Variants in TLK1 observed in about 807,000 individuals in gnomAD.
TLK1 encodes serine/threonine-protein kinase tousled-like 1.
In TLK1, 24 loss-of-function variants were observed where a neutral mutation model predicts 105.3. That is an observed-to-expected ratio of 0.23 (90% CI 0.17 to 0.32). The LOEUF (loss-of-function observed/expected upper bound fraction) is 0.32, where lower values mean the gene tolerates loss of function less well. Among genes scored for constraint, TLK1 ranks in the 10% least tolerant of loss-of-function variants. The pLI is 1.00. For synonymous variants in TLK1, 321 were observed against 310.4 expected (o/e 1.03, Z -0.36); for missense variants, 558 against 910.5 (o/e 0.61, Z 4.98).
intron 18 of TLK1, among the ~76,000 whole-genome samples, chr2:171,000,218 A>G (rs1302720971): frequency 6.6e-6 from 1 of 151,974 alleles, no homozygotes; most frequent in Admixed American, 6.6e-5. Flanking sequence ...TCTACTAAAA[A>G]TACAAAAAAA....
At chr2:171,015,955 G>A (rs1015798505) in intron 12 of TLK1, among the ~76,000 whole-genome samples, 5 of 151,942 alleles carry the variant, frequency 3.3e-5, no homozygotes, top group Non-Finnish European at 7.4e-5. Flanking sequence ...GCGCATGCCT[G>A]TAATCCCAGC....
intron 1 of TLK1, among the ~76,000 whole-genome samples, chr2:171,124,856 A>G (rs1342551393): frequency 1.3e-5 from 2 of 152,214 alleles, no homozygotes; most frequent in Non-Finnish European, 2.9e-5. Context: ...CTTTTCTGCC[A>G]CTTCAAACTT....
rs116129015 is a variant in TLK1 at position 171,050,783 on chromosome 2, A to G, written c.733-609T>C. Among the ~76,000 whole-genome samples the G allele has an allele frequency of 2.2e-3, 339 of 152,322 alleles. 2 individuals carry two copies. The highest frequency in any genetic ancestry group is 7.9e-3 in the African/African-American group (329 of 41,582). ...GGCTTCCTTCTAACATCAAAAGATGAGTCTGATTAGTACAGTGGCAAGAGA... is the reference window on the plus strand; with the variant it reads ...GGCTTCCTTCTAACATCAAAAGATGGGTCTGATTAGTACAGTGGCAAGAGA... On this transcript the variant is annotated intron_variant, in intron 8 of 20. Coordinates refer to ENST00000431350, the MANE Select transcript of TLK1 (RefSeq NM_012290.5).
At chr2:171,113,069 G>T (rs1244998881) in intron 2 of TLK1, among the ~76,000 whole-genome samples, 1 of 151,888 alleles carries the variant, frequency 6.6e-6, no homozygotes, top group Non-Finnish European at 1.5e-5. Flanking sequence ...TTTTATGAAG[G>T]ACTAAAGATC....
intron 1 of TLK1, among the ~76,000 whole-genome samples, chr2:171,182,934 A>AG: frequency 5.3e-5 from 8 of 149,772 alleles, no homozygotes; most frequent in East Asian, 4.1e-4. Context: ...AAAAAAAAAA[A>AG]AAAAGAAAGA....
chr2:171,075,734 C>G (rs746741475), intron 3 of TLK1, among the ~76,000 whole-genome samples: 7 of 151,966 alleles, frequency 4.6e-5, no homozygotes, highest in Non-Finnish European at 1.0e-4. Flanking sequence ...GCATCCAAAA[C>G]GAGAAGAGGA....
At chr2:171,129,381 T>A (rs1162364415) in intron 1 of TLK1, among the ~76,000 whole-genome samples, 1 of 152,142 alleles carries the variant, frequency 6.6e-6, no homozygotes, top group Non-Finnish European at 1.5e-5. Context: ...TCTATCCCAA[T>A]AATACAGGGT....
At chr2:171,124,367 A>G (rs889962936) in intron 1 of TLK1, among the ~76,000 whole-genome samples, 7 of 152,242 alleles carry the variant, frequency 4.6e-5, no homozygotes, top group South Asian at 2.1e-4. Flanking sequence ...ACAAAAAGCT[A>G]ATTTCCAAAG....
chr2:171,180,521 T>G (rs1381486923), intron 1 of TLK1, among the ~76,000 whole-genome samples: 6 of 152,222 alleles, frequency 3.9e-5, no homozygotes, highest in Admixed American at 3.9e-4. Context: ...CCTTTTACAC[T>G]GATGACTATT....
intron 2 of TLK1, among the ~76,000 whole-genome samples, chr2:171,115,917 T>C (rs1248652763): frequency 6.6e-6 from 1 of 152,248 alleles, no homozygotes; most frequent in African/African-American, 2.4e-5. Flanking sequence ...ATTTACCTGA[T>C]ACAAAGAGAT....
rs1006210270 is a variant in TLK1, at chr2:170,992,064, T to C, written c.*1716A>G. 1 of 152,190 alleles carries C rather than the reference T, an allele frequency of 6.6e-6. No homozygotes were observed. The highest frequency in any genetic ancestry group is 2.4e-5 in the African/African-American group (1 of 41,454). 9.4% of individuals were successfully genotyped at this position (152,190 alleles called of 1,614,324 possible). On this transcript the variant is annotated 3_prime_UTR_variant, in exon 21 of 21. Transcript: ENST00000431350. ...GAAACAATTTACACTTGTCTTGAAG[T>C]ATACTTAAGGAATTTATTCAGCTGA...
At chr2:171,047,796 T>C (rs992140463) in intron 10 of TLK1, among the ~76,000 whole-genome samples, 4 of 152,214 alleles carry the variant, frequency 2.6e-5, no homozygotes, top group South Asian at 2.1e-4. Flanking sequence ...CTATACAGTT[T>C]AGAGATTAAT....
At chr2:171,230,286 C>T (rs978947023) in intron 1 of TLK1, among the ~76,000 whole-genome samples, 14 of 152,314 alleles carry the variant, frequency 9.2e-5, no homozygotes, top group Non-Finnish European at 1.8e-4. Context: ...TATACTTTGA[C>T]CCACTTCCTT....
intron 12 of TLK1, among the ~76,000 whole-genome samples, chr2:171,020,396 C>A (rs535290739): frequency 6.6e-6 from 1 of 151,616 alleles, no homozygotes; most frequent in African/African-American, 2.4e-5. Context: ...ATAAATTAGC[C>A]GGGCATGGTG....
intron 2 of TLK1, among the ~76,000 whole-genome samples, chr2:171,084,027 C>A (rs1252965191): frequency 1.3e-5 from 2 of 151,972 alleles, no homozygotes; most frequent in African/African-American, 4.8e-5. Context: ...AACCAAAAAC[C>A]CACAGACTGT....
intron 14 of TLK1, among the ~76,000 whole-genome samples, chr2:171,010,608 A>G (rs1684867152): frequency 6.7e-6 from 1 of 150,026 alleles, no homozygotes; most frequent in Non-Finnish European, 1.5e-5. Context: ...TTAGGCTAAA[A>G]GATACAACAT....
At chr2:171,054,995 T>G (rs1483095130) in intron 7 of TLK1, 88 bp downstream of exon 7, 4 of 695,852 alleles carry the variant, frequency 5.7e-6, no homozygotes, top group Non-Finnish European at 2.2e-6. Flanking sequence ...TATGACTACA[T>G]ATAAAACAAA....
chr2:171,030,321 A>T (rs1019713), intron 11 of TLK1, among the ~76,000 whole-genome samples: 85,726 of 151,574 alleles, frequency 0.57, 26,306 homozygotes, highest in East Asian at 0.95. Flanking sequence ...AGCCAAAAAA[A>T]TTAACATGTT....
At chr2:171,030,602 A>G (rs1234037633) in intron 11 of TLK1, among the ~76,000 whole-genome samples, 3 of 152,204 alleles carry the variant, frequency 2.0e-5, no homozygotes, top group Non-Finnish European at 4.4e-5. Context: ...ATATGGGTAC[A>G]GGTTTATGCC....
Sources: allele counts gnomAD v4.1 joint callset (sites outside exome capture counted in the v4.1 genomes callset), GRCh38; gene constraint gnomAD v4.1.1; transcripts MANE v1.5; gene names NCBI Gene and HGNC (gene_info 2026-07-23, HGNC 2026-07-21).